Variants in RRP12 observed in about 807,000 individuals in gnomAD.
RRP12 encodes the protein ribosomal RNA processing 12 homolog.
In RRP12, 78 loss-of-function variants were observed where a neutral mutation model predicts 157.3. The observed-to-expected ratio is 0.50, with a 90% confidence interval of 0.41 to 0.60. The LOEUF (loss-of-function observed/expected upper bound fraction) is 0.60, where lower values mean the gene tolerates loss of function less well. Among genes scored for constraint, RRP12 ranks in the 20% least tolerant of loss-of-function variants. RRP12 has a pLI of 0.00. For missense variants in RRP12, 1,521 were observed against 1,679.9 expected (o/e 0.91, Z 1.65); for synonymous variants, 726 against 670.9 (o/e 1.08, Z -1.27).
At chr10:97,395,199 T>TAC (rs754965833) in intron 3 of RRP12, among the ~76,000 whole-genome samples, 2 of 122,184 alleles carry the variant, frequency 1.6e-5, no homozygotes, top group African/African-American at 7.0e-5. Flanking sequence ...AGTATATATA[T>TAC]ACACATATAC....
At chr10:97,360,700 C>T (rs981015799) in intron 30 of RRP12, 82 bp from the exon 31 acceptor site, 26 of 1,028,314 alleles carry the variant, frequency 2.5e-5, no homozygotes, top group South Asian at 6.3e-5. Context: ...CAGCAGAGTA[C>T]CCTGCATCAA....
intron 4 of RRP12, 176 bp downstream of exon 4, chr10:97,393,508 C>T: frequency 1.4e-6 from 1 of 690,938 alleles, no homozygotes. Context: ...TAGAGTTTCT[C>T]ACTAGAGGCC....
chr10:97,396,242 C>T lies in RRP12; in HGVS notation c.429G>A (p.Thr143=), dbSNP rs147598596. 66 of 1,613,160 alleles carry T rather than the reference C, an allele frequency of 4.1e-5. No individual in the cohort carries two copies. The highest frequency in any genetic ancestry group is 9.3e-5 in the African/African-American group (7 of 74,910). ...CCAGAGCAGCGAAGTACTCAGTCTC[C>T]GTCTCCTTCCCTCCCTGGGAGCGAA... The part of the protein sequence containing the change: ...EVIRSQGGKE[T]ETEYFAALMT... The change falls in exon 3 of 34, where the codon ACG becomes ACA. Residue 143 remains threonine, a synonymous_variant. Transcript: ENST00000370992.
Position 97,393,691 on chromosome 10 carries a change from G to C in RRP12, c.523C>G (p.Leu175Val). ...ACAGGAGGCAGAACTCACCGCTTCA[G>C]GACAAGGTTCAGCAGGTAAGCAACG... is the stretch of plus-strand genomic sequence containing the variant. ...AAVAYLLNLV[L>V]KRVPSPVLIK... is the part of the protein sequence containing the mutation. The change falls in exon 4 of 34, where the codon CTG becomes GTG. Residue 175 changes from leucine to valine, a missense_variant. Transcript: ENST00000370992. The C allele has an allele frequency of 6.2e-7, 1 of 1,613,992 alleles. No individual in the cohort carries two copies. Among genetic ancestry groups the C allele is most frequent in the Non-Finnish European group, 8.5e-7 (1 of 1,179,926 alleles).
In RRP12 at chr10:97,358,862, G is replaced by C. The variant is rs533362606; in HGVS notation, c.3708+81C>G. The C allele has an allele frequency of 6.6e-4, 786 of 1,187,646 alleles. 6 individuals carry two copies. Among genetic ancestry groups the C allele is most frequent in the African/African-American group, 1.7e-3 (112 of 66,208 alleles). 73.6% of individuals were successfully genotyped at this position (1,187,646 alleles called of 1,614,324 possible). On this transcript the variant is annotated intron_variant, in intron 32 of 33. Transcript: ENST00000370992. ...TTCCAGGAAGGTGCCTCTCAGGACA[G>C]TGATGGGCACAGCTCCTCCTTGCCC... is the stretch of plus-strand genomic sequence containing the variant.
chr10:97,377,167 A>C (rs915063446), intron 15 of RRP12, among the ~76,000 whole-genome samples: 1 of 151,460 alleles, frequency 6.6e-6, no homozygotes, highest in Non-Finnish European at 1.5e-5. Context: ...GGTGTGAGCC[A>C]CTGTGCCCAG....
chr10:97,401,056 C>T, intron 1 of RRP12, 37 bp downstream of exon 1: 1 of 1,605,968 alleles, frequency 6.2e-7, no homozygotes, highest in Non-Finnish European at 8.5e-7. Flanking sequence ...TGCCTGGAAC[C>T]CCGCCCCCGG....
At chr10:97,371,920 A>AGAT (rs1474388026) in intron 20 of RRP12, 153 bp downstream of exon 20, 6 of 592,524 alleles carry the variant, frequency 1.0e-5, no homozygotes, top group Non-Finnish European at 1.8e-5. Flanking sequence ...TGGGCTACAC[A>AGAT]GGACACAAAG....
Position 97,381,393 on chromosome 10 carries a change from T to A in RRP12, c.1411A>T (p.Met471Leu). The A allele has an allele frequency of 6.2e-7, 1 of 1,609,378 alleles. No homozygotes were observed. Among genetic ancestry groups the A allele is most frequent in the Non-Finnish European group, 8.5e-7 (1 of 1,178,138 alleles). Residue 471 changes from methionine to leucine, a missense_variant, in exon 12 of 34, where the codon ATG (methionine) becomes TTG (leucine). Met to Leu is a conservative substitution (Grantham distance 15). Transcript: ENST00000370992. Reference sequence around the variant, plus strand: ...TGGACCCCATATCCTCACCTGAACATCTTGGCAACAGATTGGGCAGGGCCT... The same window carrying A: ...TGGACCCCATATCCTCACCTGAACAACTTGGCAACAGATTGGGCAGGGCCT... ...ASGPAQSVAKMFRAVEEGLTY... is the reference protein window; with the variant it reads ...ASGPAQSVAKLFRAVEEGLTY...
In RRP12 at chr10:97,391,573, AAAATAAAT is replaced by A. The variant is rs758460233; in HGVS notation, c.531-737_531-730del. On this transcript the variant is annotated intron_variant, in intron 4 of 33. Transcript: ENST00000370992. The stretch of plus-strand genomic sequence containing the variant: ...GCAACAAGAGCGAAACTCTGTCTCA[AAAATAAAT>A]AAATAAATAAATAAATTTCTAATTG... Among the ~76,000 whole-genome samples the A allele has an allele frequency of 2.0e-5, 3 of 152,156 alleles. No individual in the cohort carries two copies. In the South Asian group the frequency reaches 6.2e-4, roughly 32 times the overall value.
rs1844198262 is a variant in RRP12 at position 97,372,912 on chromosome 10, C to T, written c.2182-109G>A. 1.5e-5 allele frequency: 21 copies of T among 1,435,580 alleles called. No homozygotes were observed. The South Asian group carries it at 2.6e-4, about 18-fold the overall frequency. 88.9% of individuals were successfully genotyped at this position (1,435,580 alleles called of 1,614,324 possible). A position where few individuals can be genotyped will look rare whatever the true frequency, so the allele number is the denominator to read the frequency against. On this transcript the variant is annotated intron_variant, in intron 18 of 33. Transcript: ENST00000370992. ...CTCCCCATCAGCCCCCAGCCCTGCC[C>T]AAGCCATGACTGCTGGTATGTGCTC...
intron 30 of RRP12, among the ~76,000 whole-genome samples, chr10:97,361,750 C>T (rs1345338228): frequency 6.6e-6 from 1 of 152,156 alleles, no homozygotes; most frequent in Admixed American, 6.5e-5. Flanking sequence ...GCCCAGCCTG[C>T]TGGCCCTGAA....
At position 97,373,167 on chromosome 10, in the gene RRP12, T is replaced by C. The variant is rs778841834; in HGVS notation, c.2060A>G (p.Lys687Arg). The C allele has an allele frequency of 2.5e-6, 4 of 1,614,206 alleles. 1 individual carries two copies. In the South Asian group the frequency reaches 4.4e-5, roughly 18 times the overall value. ...ADRAEVSRFA[K>R]NFLPILFNLY... ...GTTGAAGAGGATCGGCAGAAAGTTC[T>C]TGGCAAAGCGACTCACTTCAGCACG... Residue 687 changes from lysine to arginine, a missense_variant, in exon 18 of 34, where the codon AAG becomes AGG. Coordinates refer to ENST00000370992, the MANE Select transcript of RRP12 (RefSeq NM_015179.4).
At chr10:97,369,381 C>T in intron 25 of RRP12, 44 bp downstream of exon 25, 1 of 1,596,856 alleles carries the variant, frequency 6.3e-7, no homozygotes, top group African/African-American at 1.3e-5. Context: ...GCCAACAGCT[C>T]AGAGGCCACC....
chr10:97,387,930 A>T (rs886856942), intron 8 of RRP12: 1 of 216,960 alleles, frequency 4.6e-6, no homozygotes, highest in African/African-American at 3.0e-5. Context: ...AACAAGAGCA[A>T]AACTCGGTCT....
At position 97,372,125 on chromosome 10, in the gene RRP12, G is replaced by A. The variant is rs1187092040; in HGVS notation, c.2291C>T (p.Ala764Val). The change falls in exon 20 of 34, where the codon GCT becomes GTT. Residue 764 changes from alanine to valine, a missense_variant. Physicochemically the swap from Ala to Val is moderately conservative, Grantham distance 64. Transcript: ENST00000370992. ...TAGCTTACTGATGGCAGCTTCGTCA[G>A]CACACGGAGCCAAGGCCACGACCAG... The part of the protein sequence containing the change: ...LDLVVALAPC[A>V]DEAAISKLYS... The A allele has an allele frequency of 6.2e-7, 1 of 1,613,694 alleles. No homozygotes were observed. The highest frequency in any genetic ancestry group is 1.3e-5 in the African/African-American group (1 of 75,038).
At chr10:97,394,124 C>T (rs944205591) in intron 3 of RRP12, among the ~76,000 whole-genome samples, 1 of 152,182 alleles carries the variant, frequency 6.6e-6, no homozygotes, top group Middle Eastern at 3.4e-3. Context: ...GGGCAGATCA[C>T]GAGGTCAGGA....
At chr10:97,370,843 C>T in intron 21 of RRP12, 47 bp from the exon 22 acceptor site, 5 of 1,609,820 alleles carry the variant, frequency 3.1e-6, no homozygotes, top group Non-Finnish European at 4.2e-6. Flanking sequence ...GCTACCTCCA[C>T]CCAACAAGCC....
Position 97,385,236 on chromosome 10 carries a change from T to C in RRP12, c.1138A>G (p.Ser380Gly), listed in dbSNP as rs767933978. The C allele has an allele frequency of 1.9e-6, 3 of 1,614,040 alleles. No individual in the cohort carries two copies. Among genetic ancestry groups the C allele is most frequent in the South Asian group, 1.1e-5 (1 of 91,084 alleles). ...IITALYDYVP[S>G]ENDLQPLLAW... is the part of the protein sequence containing the mutation. Reference sequence around the variant, plus strand: ...AGCAGGGGTTGTAAATCATTCTCACTGGGAACATAGTCGTACAGGGCCTAA... The same window carrying C: ...AGCAGGGGTTGTAAATCATTCTCACCGGGAACATAGTCGTACAGGGCCTAA... Residue 380 changes from serine to glycine, a missense_variant, in exon 10 of 34, where the codon AGT becomes GGT. Transcript: ENST00000370992.
Sources: allele counts gnomAD v4.1 joint callset (sites outside exome capture counted in the v4.1 genomes callset), GRCh38; gene constraint gnomAD v4.1.1; transcripts MANE v1.5; gene names NCBI Gene and HGNC (gene_info 2026-07-23, HGNC 2026-07-21).